CFAP77: variants seen among roughly 807,000 people sequenced by gnomAD.
CFAP77 encodes the protein cilia and flagella associated protein 77.
CFAP77 carries 25 observed loss-of-function variants against 31.1 expected under a neutral mutation model. The observed-to-expected ratio is 0.80, with a 90% CI of 0.59 to 1.12. CFAP77 has a LOEUF of 1.12. Among genes scored for constraint, CFAP77 ranks in the 50% most tolerant of loss-of-function variants. The pLI, the probability that CFAP77 is intolerant of heterozygous loss-of-function variation, is 0.00. For missense variants in CFAP77, 377 were observed against 397.3 expected (o/e 0.95, Z 0.44); for synonymous variants, 151 against 159.9 (o/e 0.94, Z 0.42).
Position 132,490,572 on chromosome 9 carries a change from A to AG in CFAP77, c.196-8120dup, listed in dbSNP as rs1851636825. On this transcript the variant is annotated intron_variant, in intron 1 of 5. Coordinates refer to ENST00000393216, the MANE Select transcript of CFAP77 (RefSeq NM_001282957.2). This position sits in a 1 kb window ranked among gnomAD's most constrained non-coding sequence, Gnocchi z 4.6. ...CTGGACAAGCTGGGGAGGGAGGCCAAGGGTCAGCGCTGGGCACTCCCACCT... is the reference window on the plus strand; with the variant it reads ...CTGGACAAGCTGGGGAGGGAGGCCAAGGGGTCAGCGCTGGGCACTCCCACCT... Among the ~76,000 whole-genome samples, 1 of 152,178 alleles carries AG rather than the reference A, an allele frequency of 6.6e-6. No individual in the cohort carries two copies. Among genetic ancestry groups the AG allele is most frequent in the Admixed American group, 6.5e-5 (1 of 15,286 alleles).
intron 1 of CFAP77, among the ~76,000 whole-genome samples, chr9:132,462,803 C>T (rs575017989): frequency 4.6e-4 from 69 of 151,302 alleles, no homozygotes; most frequent in African/African-American, 1.5e-3. Context: ...GCAACAAGAG[C>T]GAAACTCCGT....
chr9:132,458,357 G>GGGGGGGGGGGTGGGGGGGGAGTGT (rs139008147), intron 1 of CFAP77, among the ~76,000 whole-genome samples: 1 of 119,046 alleles, frequency 8.4e-6, no homozygotes, highest in African/African-American at 3.2e-5. Context: ...GAGGGGGGGG[G>GGGGGGGGGGGTGGGGGGGGAGTGT]GTGTGTATGG....
At chr9:132,458,357 G>GGGGGGGGGTGTGGGGT (rs139008147) in intron 1 of CFAP77, among the ~76,000 whole-genome samples, 1 of 119,046 alleles carries the variant, frequency 8.4e-6, no homozygotes, top group Admixed American at 9.8e-5. Flanking sequence ...GAGGGGGGGG[G>GGGGGGGGGTGTGGGGT]GTGTGTATGG....
chr9:132,519,619 GTTGGGTGGGT>G (rs1852225770), intron 3 of CFAP77, among the ~76,000 whole-genome samples: 2 of 130,674 alleles, frequency 1.5e-5, no homozygotes, highest in Admixed American at 7.6e-5. Context: ...TGGATGGATG[GTTGGGTGGGT>G]AGGTGGATGG....
intron 3 of CFAP77, among the ~76,000 whole-genome samples, chr9:132,504,673 C>G (rs1851904618): frequency 6.6e-6 from 1 of 152,188 alleles, no homozygotes; most frequent in South Asian, 2.1e-4. Context: ...TTTTATGGAG[C>G]AGAAATATCC....
rs568710617 is a variant in CFAP77, at chr9:132,510,783, AC to A, written c.524+11185del. Among the ~76,000 whole-genome samples, 325 of 152,178 alleles carry A rather than the reference AC, an allele frequency of 2.1e-3. 1 individual carries two copies. The highest frequency in any genetic ancestry group is 7.0e-3 in the African/African-American group (289 of 41,520). ...ATGGGAGTGGCTGTTCAAGCTAGAA[AC>A]CGCTGGAGCCTTGCATTCGTTTTGA... On this transcript the variant is annotated intron_variant, in intron 3 of 5. Transcript: ENST00000393216.
chr9:132,478,260 C>A (rs945936816), intron 1 of CFAP77, among the ~76,000 whole-genome samples: 1 of 152,052 alleles, frequency 6.6e-6, no homozygotes, highest in African/African-American at 2.4e-5. Context: ...TTTCTGAGTT[C>A]TGTGGGTCCT....
At chr9:132,449,976 T>C (rs1850797212) in intron 1 of CFAP77, among the ~76,000 whole-genome samples, 1 of 152,074 alleles carries the variant, frequency 6.6e-6, no homozygotes. Flanking sequence ...GCAGTGGCAC[T>C]ATCTCAGCTT....
At chr9:132,456,103 A>G (rs1850907735) in intron 1 of CFAP77, among the ~76,000 whole-genome samples, 1 of 152,210 alleles carries the variant, frequency 6.6e-6, no homozygotes, top group Non-Finnish European at 1.5e-5. Flanking sequence ...AGTGTCGGGT[A>G]CTATCCTAGG....
chr9:132,510,150 G>C (rs1039250623), intron 3 of CFAP77, among the ~76,000 whole-genome samples: 1 of 152,130 alleles, frequency 6.6e-6, no homozygotes, highest in African/African-American at 2.4e-5. Flanking sequence ...GGCCAGGCCC[G>C]AACCCCATCC....
rs533150098 is a variant in CFAP77, at chr9:132,510,669, G to A, written c.524+11069G>A. On this transcript the variant is annotated intron_variant, in intron 3 of 5. Coordinates refer to ENST00000393216, the MANE Select transcript of CFAP77 (RefSeq NM_001282957.2). ...CAGGCAGGCCCTGATACATCCCGTC[G>A]GTGGCCAGATCATCTCATCGTGTGG... Among the ~76,000 whole-genome samples the A allele has an allele frequency of 1.7e-3, 260 of 152,280 alleles. 1 individual carries two copies. Among genetic ancestry groups the A allele is most frequent in the African/African-American group, 5.9e-3 (246 of 41,562 alleles).
chr9:132,499,624 T>C lies in CFAP77; in HGVS notation c.524+24T>C, dbSNP rs775773568. The C allele has an allele frequency of 1.9e-6, 3 of 1,609,460 alleles. No homozygotes were observed. Among genetic ancestry groups the C allele is most frequent in the Non-Finnish European group, 1.7e-6 (2 of 1,175,892 alleles). ...CGGTAAGGTGGCTGGCAGCCAGGGC[T>C]TCATCCCTTGAGGGGGTGGAGGTAC... On this transcript the variant is annotated intron_variant, in intron 3 of 5. Coordinates refer to ENST00000393216, the MANE Select transcript of CFAP77 (RefSeq NM_001282957.2). The surrounding 1 kb of genome is among the most constrained non-coding windows in gnomAD (Gnocchi z 5.4).
intron 1 of CFAP77, among the ~76,000 whole-genome samples, chr9:132,451,619 G>A (rs1206800001): frequency 2.0e-5 from 3 of 151,824 alleles, no homozygotes; most frequent in Non-Finnish European, 4.4e-5. Flanking sequence ...TCTTCATTGT[G>A]TGACACTCAT....
At chr9:132,474,816 G>A (rs765491487) in intron 1 of CFAP77, among the ~76,000 whole-genome samples, 4 of 152,080 alleles carry the variant, frequency 2.6e-5, no homozygotes, top group Non-Finnish European at 4.4e-5. Context: ...TGGATCCGAC[G>A]GCTTATGTCT....
Position 132,499,286 on chromosome 9 carries a change from C to T in CFAP77, c.296-86C>T, listed in dbSNP as rs1241452309. 1.2e-5 allele frequency: 15 copies of T among 1,201,454 alleles called. 1 individual carries two copies. The highest frequency in any genetic ancestry group is 3.7e-5 in the Admixed American group (2 of 54,708). 74.4% of individuals were successfully genotyped at this position (1,201,454 alleles called of 1,614,324 possible). On this transcript the variant is annotated intron_variant, in intron 2 of 5. Coordinates refer to ENST00000393216, the MANE Select transcript of CFAP77 (RefSeq NM_001282957.2). This position sits in a 1 kb window ranked among gnomAD's most constrained non-coding sequence, Gnocchi z 5.4. ...GGTAAATGGGAAGGCCGAGGACCCGCGTGCCCCCATTTCTTCTCGATCAGC... is the reference window on the plus strand; with the variant it reads ...GGTAAATGGGAAGGCCGAGGACCCGTGTGCCCCCATTTCTTCTCGATCAGC...
chr9:132,462,830 A>C (rs1851080119), intron 1 of CFAP77, among the ~76,000 whole-genome samples: 1 of 151,630 alleles, frequency 6.6e-6, no homozygotes, highest in African/African-American at 2.4e-5. Context: ...ATAAAAATAA[A>C]ATAAAATAAA....
chr9:132,456,197 G>T (rs1357240079), intron 1 of CFAP77, among the ~76,000 whole-genome samples: 1 of 152,198 alleles, frequency 6.6e-6, no homozygotes, highest in Non-Finnish European at 1.5e-5. Context: ...ACAGCCGAAA[G>T]GTAGCATCGC....
At chr9:132,446,456 C>G (rs1364002442) in intron 1 of CFAP77, among the ~76,000 whole-genome samples, 1 of 151,950 alleles carries the variant, frequency 6.6e-6, no homozygotes, top group Non-Finnish European at 1.5e-5. Context: ...ATATGGCTCT[C>G]AAGGTCGGGC....
chr9:132,464,878 G>C (rs1427250081), intron 1 of CFAP77, among the ~76,000 whole-genome samples: 1 of 151,916 alleles, frequency 6.6e-6, no homozygotes, highest in African/African-American at 2.4e-5. Flanking sequence ...GATCACCTGA[G>C]GTCAGGAATT....
Sources: gnomAD v4.1 joint callset for allele counts (sites outside exome capture counted in the v4.1 genomes callset) on GRCh38, gnomAD v4.1.1 for gene constraint, Gnocchi (gnomAD v3.1) non-coding constraint, MANE v1.5 for transcripts, NCBI Gene and HGNC (gene_info 2026-07-23, HGNC 2026-07-21) for gene names.